Variants in TAFA5 observed in about 807,000 individuals in gnomAD.
TAFA5 encodes the protein TAFA chemokine like family member 5.
A neutral mutation model predicts 15.3 loss-of-function variants in TAFA5; 6 were observed. The observed-to-expected ratio is 0.39, with a 90% CI of 0.21 to 0.77. TAFA5 has a LOEUF of 0.77. Ranked by LOEUF, TAFA5 falls within the 30% of genes least tolerant of loss-of-function variation. TAFA5 has a pLI of 0.41. For synonymous variants in TAFA5, 103 were observed against 80.7 expected, an observed-to-expected ratio of 1.28 and a Z score of -1.48; for missense variants, 161 against 193.1, an observed-to-expected ratio of 0.83 and a Z score of 0.98.
At chr22:48,557,879 C>G (rs577869676) in intron 1 of TAFA5, among the ~76,000 whole-genome samples, 1 of 152,348 alleles carries the variant, frequency 6.6e-6, no homozygotes, top group Non-Finnish European at 1.5e-5. Flanking sequence ...GGTCCCAGGA[C>G]CCCTGTCCCT....
At chr22:48,708,242 C>T (rs1242122258) in intron 3 of TAFA5, among the ~76,000 whole-genome samples, 1 of 152,150 alleles carries the variant, frequency 6.6e-6, no homozygotes, top group East Asian at 1.9e-4. Flanking sequence ...CCCCAGGGCA[C>T]GGCGGGGGTT....
chr22:48,652,450 T>A (rs931576423), intron 2 of TAFA5, among the ~76,000 whole-genome samples: 5 of 152,194 alleles, frequency 3.3e-5, no homozygotes, highest in Non-Finnish European at 7.4e-5. Context: ...CATGGGGACA[T>A]CTGTTTGACC....
chr22:48,635,558 G>A (rs551528035), intron 1 of TAFA5, among the ~76,000 whole-genome samples: 57 of 152,304 alleles, frequency 3.7e-4, no homozygotes, highest in African/African-American at 1.2e-3. Flanking sequence ...CAGCCCCTGC[G>A]TGTCTGTCTG....
intron 1 of TAFA5, among the ~76,000 whole-genome samples, chr22:48,514,653 C>G (rs1212783171): frequency 6.6e-6 from 1 of 152,166 alleles, no homozygotes; most frequent in Non-Finnish European, 1.5e-5. Context: ...CTCATGCCAG[C>G]CAGGTGACTT....
chr22:48,564,366 C>T (rs1009425543), intron 1 of TAFA5, among the ~76,000 whole-genome samples: 19 of 152,306 alleles, frequency 1.2e-4, no homozygotes, highest in African/African-American at 4.3e-4. Context: ...TGAGTTGGGA[C>T]GAAGGGACAC....
chr22:48,631,344 C>T (rs767615669), intron 1 of TAFA5, among the ~76,000 whole-genome samples: 4 of 152,222 alleles, frequency 2.6e-5, no homozygotes, highest in African/African-American at 7.2e-5. Context: ...ATGAGGGCCA[C>T]GCTGGACACA....
Position 48,615,104 on chromosome 22 carries a change from G to A in TAFA5, c.113-31493G>A, listed in dbSNP as rs535435221. On this transcript the variant is annotated intron_variant, in intron 1 of 3. Coordinates refer to ENST00000402357, the MANE Select transcript of TAFA5 (RefSeq NM_001082967.3). ...ACAAAGCCTCCGTGTTTCCCAGGAC[G>A]CCCCTTCAGGAGCCACCATCCCCGT... 7.9e-5 allele frequency among the ~76,000 whole-genome samples: 12 copies of A among 152,244 alleles called. No individual in the cohort carries two copies. In the South Asian group the frequency reaches 2.1e-3, roughly 26 times the overall value.
intron 1 of TAFA5, among the ~76,000 whole-genome samples, chr22:48,514,829 A>G (rs1921347546): frequency 1.3e-5 from 2 of 152,268 alleles, no homozygotes; most frequent in South Asian, 4.1e-4. Flanking sequence ...TTGACGTGGT[A>G]CTAATGGGGC....
chr22:48,507,563 C>T (rs111236986), intron 1 of TAFA5, among the ~76,000 whole-genome samples: 2,504 of 152,322 alleles, frequency 0.016, 58 homozygotes, highest in African/African-American at 0.057. Context: ...CCCAGCACGC[C>T]TCCCCAGAGT....
At chr22:48,695,386 A>G (rs1216464389) in intron 2 of TAFA5, among the ~76,000 whole-genome samples, 1 of 152,146 alleles carries the variant, frequency 6.6e-6, no homozygotes, top group South Asian at 2.1e-4. Context: ...TTCTCCTGGA[A>G]TCTCACTGGT....
chr22:48,693,992 G>A (rs145814762), intron 2 of TAFA5, among the ~76,000 whole-genome samples: 26 of 152,244 alleles, frequency 1.7e-4, no homozygotes, highest in Non-Finnish European at 3.5e-4. Flanking sequence ...TGGGCTGTCG[G>A]CTTCTCCTCT....
At chr22:48,686,055 G>A (rs1318636441) in intron 2 of TAFA5, among the ~76,000 whole-genome samples, 4 of 152,140 alleles carry the variant, frequency 2.6e-5, no homozygotes, top group Non-Finnish European at 4.4e-5. Context: ...TGCCCCGGGA[G>A]TTGGAAGGGG....
At chr22:48,671,128 G>A (rs1270161758) in intron 2 of TAFA5, among the ~76,000 whole-genome samples, 2 of 152,156 alleles carry the variant, frequency 1.3e-5, no homozygotes, top group African/African-American at 2.4e-5. Flanking sequence ...TGTTCAGGTT[G>A]CACAGACATG....
chr22:48,639,939 C>A (rs1017273140), intron 1 of TAFA5, among the ~76,000 whole-genome samples: 1 of 149,730 alleles, frequency 6.7e-6, no homozygotes, highest in Non-Finnish European at 1.5e-5. Flanking sequence ...CGTGACCGCA[C>A]CCCCCCAACC....
At chr22:48,622,723 G>T (rs1241892560) in intron 1 of TAFA5, among the ~76,000 whole-genome samples, 1 of 152,236 alleles carries the variant, frequency 6.6e-6, no homozygotes, top group Non-Finnish European at 1.5e-5. Context: ...GGAGGAGGTG[G>T]TATCGATGCG....
intron 1 of TAFA5, among the ~76,000 whole-genome samples, chr22:48,506,221 C>A (rs1021896557): frequency 6.6e-6 from 1 of 152,218 alleles, no homozygotes; most frequent in South Asian, 2.1e-4. Context: ...CCTTTCATGA[C>A]TTGACCTTGC....
At chr22:48,630,326 G>T (rs370397744) in intron 1 of TAFA5, among the ~76,000 whole-genome samples, 86 of 152,348 alleles carry the variant, frequency 5.6e-4, no homozygotes, top group Middle Eastern at 3.4e-3. Context: ...AGCACATGAT[G>T]CCTTGTGGGT....
intron 2 of TAFA5, chr22:48,693,294 A>T: frequency 2.5e-6 from 4 of 1,602,590 alleles, no homozygotes; most frequent in Non-Finnish European, 2.6e-6. Context: ...TGCTCCCAGA[A>T]ATTTGCCCTA....
At chr22:48,556,854 A>G (rs133457) in intron 1 of TAFA5, among the ~76,000 whole-genome samples, 102,077 of 152,142 alleles carry the variant, frequency 0.67, 34,437 homozygotes, top group South Asian at 0.74. Flanking sequence ...CCTTGGGGGC[A>G]CTGTCCAGCT....
Sources: gnomAD v4.1 joint callset for allele counts (sites outside exome capture counted in the v4.1 genomes callset) on GRCh38, gnomAD v4.1.1 for gene constraint, MANE v1.5 for transcripts, NCBI Gene and HGNC (gene_info 2026-07-23, HGNC 2026-07-21) for gene names.